RPS6KC1: variants seen among roughly 807,000 people sequenced by gnomAD.
The protein encoded by RPS6KC1 is inactive ribosomal protein S6 kinase delta-1.
Under a neutral mutation model 103.8 loss-of-function variants are expected in RPS6KC1, and 54 were observed. The ratio of observed to expected loss-of-function variants is 0.52; its 90% CI spans 0.42 to 0.65. The LOEUF (loss-of-function observed/expected upper bound fraction) is 0.65. Ranked by LOEUF, RPS6KC1 falls within the 30% of genes least tolerant of loss-of-function variation. The pLI is 0.00. For synonymous variants in RPS6KC1, 439 were observed against 438.7 expected (o/e 1.00, Z -0.01); for missense variants, 1,151 against 1,253.8 (o/e 0.92, Z 1.24).
chr1:213,086,436 C>T lies in RPS6KC1; in HGVS notation c.262+8620C>T, dbSNP rs140446257. Among the ~76,000 whole-genome samples, 496 of 152,320 alleles carry T rather than the reference C, an allele frequency of 3.3e-3. 5 individuals carry two copies. Among genetic ancestry groups the T allele is most frequent in the African/African-American group, 0.011 (471 of 41,564 alleles). On this transcript the variant is annotated intron_variant, in intron 3 of 14. Transcript: ENST00000366960. ...ATTAGAACAGCTATGTCAGGGACAA[C>T]CAGTGGGTTACAGCCACATTGCCTC...
At position 213,242,566 on chromosome 1, in the gene RPS6KC1, TAG is replaced by T. The variant is rs927853381; in HGVS notation, c.2822-2_2822-1del. 1.9e-6 allele frequency: 3 copies of T among 1,610,880 alleles called. No individual in the cohort carries two copies. The Admixed American group carries it at 5.0e-5, about 27-fold the overall frequency. On this transcript the variant is annotated splice_acceptor_variant, in intron 11 of 14. Coordinates refer to ENST00000366960, the MANE Select transcript of RPS6KC1 (RefSeq NM_012424.6). LOFTEE classifies it high-confidence loss of function. Reference sequence around the variant, plus strand: ...TTGATTTCTCCTGTCGTTTTGTTTTTAGGACACATTCAGCTAACGTATTTTAG... The same window carrying T: ...TTGATTTCTCCTGTCGTTTTGTTTTTGACACATTCAGCTAACGTATTTTAG...
the RPS6KC1 span, among the ~76,000 whole-genome samples, chr1:213,461,639 G>A: frequency 3.8e-3 from 582 of 152,126 alleles, 2 homozygotes; most frequent in African/African-American, 0.013. Flanking sequence ...ATCTACAACC[G>A]TCTGATCTTT....
chr1:213,564,127 T>G, the RPS6KC1 span, among the ~76,000 whole-genome samples: 2 of 152,302 alleles, frequency 1.3e-5, no homozygotes, highest in South Asian at 2.1e-4. Flanking sequence ...GTTGCATATT[T>G]TCTCCTATAT....
the RPS6KC1 span, among the ~76,000 whole-genome samples, chr1:213,830,484 G>T: frequency 6.6e-6 from 1 of 152,112 alleles, no homozygotes; most frequent in South Asian, 2.1e-4. Flanking sequence ...CAAGTGAGGA[G>T]CATTTGGAAG....
chr1:213,627,331 A>G, the RPS6KC1 span, among the ~76,000 whole-genome samples: 1 of 152,200 alleles, frequency 6.6e-6, no homozygotes, highest in Non-Finnish European at 1.5e-5. Context: ...GGCTGAGAAA[A>G]TGGGGTTTTC....
At chr1:213,552,825 G>A in the RPS6KC1 span, among the ~76,000 whole-genome samples, 3 of 152,130 alleles carry the variant, frequency 2.0e-5, no homozygotes, top group Non-Finnish European at 4.4e-5. Context: ...AGTTGCAAAC[G>A]TGAAATGTAG....
chr1:213,752,776 G>T, the RPS6KC1 span, among the ~76,000 whole-genome samples: 1 of 152,322 alleles, frequency 6.6e-6, no homozygotes, highest in East Asian at 1.9e-4. Context: ...ATTGAAAATG[G>T]ATTGAGCATG....
At chr1:213,827,073 A>C in the RPS6KC1 span, among the ~76,000 whole-genome samples, 2 of 152,196 alleles carry the variant, frequency 1.3e-5, no homozygotes, top group Non-Finnish European at 2.9e-5. Context: ...AGTTCCAAGG[A>C]ACTGCAATGA....
the RPS6KC1 span, among the ~76,000 whole-genome samples, chr1:213,810,967 T>C: frequency 6.6e-6 from 1 of 152,188 alleles, no homozygotes; most frequent in African/African-American, 2.4e-5. Context: ...TTTACTTCCA[T>C]GGGCAAGAAT....
At chr1:213,737,234 C>A in the RPS6KC1 span, among the ~76,000 whole-genome samples, 1 of 152,190 alleles carries the variant, frequency 6.6e-6, no homozygotes, top group Admixed American at 6.5e-5. Context: ...ATGAGTTGAG[C>A]ATTTCTTGGC....
the RPS6KC1 span, among the ~76,000 whole-genome samples, chr1:213,621,003 C>A: frequency 6.6e-6 from 1 of 152,214 alleles, no homozygotes; most frequent in African/African-American, 2.4e-5. Flanking sequence ...GTTTGAGCCT[C>A]ACATTTTTAA....
chr1:213,071,083 AATT>A, intron 2 of RPS6KC1, 42 bp downstream of exon 2: 1 of 1,189,404 alleles, frequency 8.4e-7, no homozygotes, highest in Non-Finnish European at 1.2e-6. Flanking sequence ...ATTTGATAAA[AATT>A]TAACTAAATG....
chr1:213,310,089 C>A, the RPS6KC1 span, among the ~76,000 whole-genome samples: 5,038 of 152,244 alleles, frequency 0.033, 106 homozygotes, highest in Middle Eastern at 0.054. Flanking sequence ...CTTGACTATC[C>A]CCCAAGCCCA....
chr1:213,143,201 T>G (rs2087289269), intron 6 of RPS6KC1, among the ~76,000 whole-genome samples: 1 of 152,060 alleles, frequency 6.6e-6, no homozygotes, highest in African/African-American at 2.4e-5. Flanking sequence ...TGTATATTTC[T>G]TCTTTCGTGA....
chr1:213,696,259 G>T, the RPS6KC1 span, among the ~76,000 whole-genome samples: 3 of 152,086 alleles, frequency 2.0e-5, no homozygotes, highest in Non-Finnish European at 4.4e-5. Context: ...CGGCACTTTG[G>T]GAGGCTGAGG....
chr1:213,400,182 A>G, the RPS6KC1 span, among the ~76,000 whole-genome samples: 1 of 152,052 alleles, frequency 6.6e-6, no homozygotes, highest in Non-Finnish European at 1.5e-5. Flanking sequence ...CTCAGGTGAC[A>G]TGGAGGTAGA....
the RPS6KC1 span, among the ~76,000 whole-genome samples, chr1:213,414,073 C>T: frequency 6.6e-6 from 1 of 152,192 alleles, no homozygotes; most frequent in Non-Finnish European, 1.5e-5. Context: ...TCCCCTCACC[C>T]CTGCCATTCA....
At chr1:213,699,003 T>C in the RPS6KC1 span, among the ~76,000 whole-genome samples, 2 of 152,120 alleles carry the variant, frequency 1.3e-5, no homozygotes, top group Non-Finnish European at 2.9e-5. Context: ...AATCACATCA[T>C]GGAAAATGGG....
At chr1:213,165,828 A>C (rs560373148) in intron 6 of RPS6KC1, among the ~76,000 whole-genome samples, 1 of 152,284 alleles carries the variant, frequency 6.6e-6, no homozygotes, top group African/African-American at 2.4e-5. Context: ...AAGTGTTGGG[A>C]TTATAGGCAC....
Sources: gnomAD v4.1 joint callset for allele counts (sites outside exome capture counted in the v4.1 genomes callset) on GRCh38, gnomAD v4.1.1 for gene constraint, MANE v1.5 for transcripts, NCBI Gene and HGNC (gene_info 2026-07-23, HGNC 2026-07-21) for gene names.